MGAT5: variants seen among roughly 807,000 people sequenced by gnomAD.
The protein encoded by MGAT5 is alpha-1,6-mannosylglycoprotein 6-beta-N-acetylglucosaminyltransferase, also known as alpha-1,6-mannosylglycoprotein 6-beta-N-acetylglucosaminyltransferase A.
In MGAT5, 30 loss-of-function variants were observed where a neutral mutation model predicts 94.3. That is an observed-to-expected ratio of 0.32 (90% CI 0.24 to 0.43). The LOEUF is 0.43. Among genes scored for constraint, MGAT5 ranks in the 20% least tolerant of loss-of-function variants. The probability of loss-of-function intolerance (pLI) is 1.00; values close to 1 mark genes in which losing one functional copy is unlikely to be tolerated. For synonymous variants in MGAT5, 310 were observed against 322.9 expected (o/e 0.96, Z 0.43); for missense variants, 691 against 905.5 (o/e 0.76, Z 3.04).
chr2:134,441,961 G>C, intron 15 of MGAT5, 46 bp downstream of exon 15: 1 of 1,596,666 alleles, frequency 6.3e-7, no homozygotes, highest in Non-Finnish European at 8.6e-7. Context: ...CTAGACTCCA[G>C]CTGGCCTTGT....
At chr2:134,382,197 G>T (rs765263947) in intron 10 of MGAT5, among the ~76,000 whole-genome samples, 1 of 151,718 alleles carries the variant, frequency 6.6e-6, no homozygotes, top group South Asian at 2.1e-4. Flanking sequence ...TGAGGCTGTA[G>T]TGAGCTATGA....
chr2:134,233,300 A>G (rs1231912005), intron 1 of MGAT5, among the ~76,000 whole-genome samples: 1 of 152,214 alleles, frequency 6.6e-6, no homozygotes, highest in Non-Finnish European at 1.5e-5. Flanking sequence ...TATGGGTCAT[A>G]ATGAATTCAG....
At chr2:134,443,183 TTTTG>T (rs1195851349) in intron 15 of MGAT5, among the ~76,000 whole-genome samples, 1 of 80,756 alleles carries the variant, frequency 1.2e-5, no homozygotes, top group African/African-American at 4.8e-5. Flanking sequence ...CTATGTTTTT[TTTTG>T]TTGTTGTTGT....
At chr2:134,171,818 C>G (rs1447880597) in intron 1 of MGAT5, among the ~76,000 whole-genome samples, 3 of 152,150 alleles carry the variant, frequency 2.0e-5, no homozygotes, top group Non-Finnish European at 4.4e-5. Flanking sequence ...CAGATACTCA[C>G]CTGGGCTAAG....
chr2:134,341,602 C>T lies in MGAT5; in HGVS notation c.820C>T (p.Leu274=), dbSNP rs1191488238. ...CTTTGTTTTCCAGGTCCTCGTTCAC[C>T]TGGGACTCCTGACCAAGGAATCTGG... is the stretch of plus-strand genomic sequence containing the variant. ...KRKRKKVLVH[L]GLLTKESGFK... Residue 274 remains leucine (L), a synonymous_variant, in exon 7 of 16, where the codon CTG becomes TTG. Transcript: ENST00000281923. The T allele has an allele frequency of 2.5e-6, 4 of 1,612,758 alleles. No individual in the cohort carries two copies. The highest frequency in any genetic ancestry group is 1.7e-4 in the Middle Eastern group (1 of 6,050).
intron 1 of MGAT5, among the ~76,000 whole-genome samples, chr2:134,127,504 C>G (rs116462690): frequency 0.015 from 1,847 of 125,076 alleles, 51 homozygotes; most frequent in African/African-American, 0.046. Context: ...TTCCCCCCCC[C>G]CCAGGCTTGT....
intron 13 of MGAT5, among the ~76,000 whole-genome samples, chr2:134,426,946 T>G (rs1449152743): frequency 6.6e-6 from 1 of 152,152 alleles, no homozygotes; most frequent in Admixed American, 6.5e-5. Flanking sequence ...CTCTTTGAGC[T>G]CTATTCTGAC....
chr2:134,323,439 C>T (rs759747225), intron 4 of MGAT5, among the ~76,000 whole-genome samples: 1 of 152,100 alleles, frequency 6.6e-6, no homozygotes, highest in African/African-American at 2.4e-5. Flanking sequence ...TGAAACCAGT[C>T]CCCAACAGAT....
intron 10 of MGAT5, among the ~76,000 whole-genome samples, chr2:134,402,613 C>T (rs994059030): frequency 6.6e-6 from 1 of 152,266 alleles, no homozygotes; most frequent in East Asian, 1.9e-4. Context: ...ACTTCCTCTC[C>T]TAGAGGTAGG....
intron 2 of MGAT5, among the ~76,000 whole-genome samples, chr2:134,299,943 T>G (rs1685917646): frequency 6.6e-6 from 1 of 152,188 alleles, no homozygotes; most frequent in African/African-American, 2.4e-5. Context: ...TGAATACCTG[T>G]AAGCTCATAT....
chr2:134,321,251 T>G lies in MGAT5; in HGVS notation c.573+2512T>G, dbSNP rs1687298052. Reference sequence around the variant, plus strand: ...TCATTTAGTTTAATTTTCAAAAGTTTTATTCCCCTTTCTACTTGAAAGAAT... The same window carrying G: ...TCATTTAGTTTAATTTTCAAAAGTTGTATTCCCCTTTCTACTTGAAAGAAT... On this transcript the variant is annotated intron_variant, in intron 4 of 15. Transcript: ENST00000281923. Among the ~76,000 whole-genome samples, 5 of 150,988 alleles carry G rather than the reference T, an allele frequency of 3.3e-5. No individual in the cohort carries two copies. In the South Asian group the frequency reaches 1.1e-3, roughly 32 times the overall value.
chr2:134,429,140 G>C (rs949509596), intron 14 of MGAT5, among the ~76,000 whole-genome samples: 1 of 152,176 alleles, frequency 6.6e-6, no homozygotes, highest in Non-Finnish European at 1.5e-5. Context: ...GAAATAAGGT[G>C]CTCTTCCTAA....
chr2:134,384,215 A>G (rs574673562), intron 10 of MGAT5, among the ~76,000 whole-genome samples: 267 of 2,854 alleles, frequency 0.094, 1 homozygote, highest in East Asian at 0.51. Flanking sequence ...CCGGCCCTTG[A>G]AAAAAAAAAA....
At chr2:134,313,472 GA>G (rs1475770839) in intron 2 of MGAT5, among the ~76,000 whole-genome samples, 3 of 151,580 alleles carry the variant, frequency 2.0e-5, no homozygotes, top group Non-Finnish European at 4.4e-5. Context: ...AGTGCCATAG[GA>G]TCATACAGAG....
At chr2:134,418,121 C>G (rs747764426) in intron 12 of MGAT5, among the ~76,000 whole-genome samples, 1 of 152,014 alleles carries the variant, frequency 6.6e-6, no homozygotes, top group Non-Finnish European at 1.5e-5. Flanking sequence ...CTCTTAAACA[C>G]AATCTGAACA....
At chr2:134,196,358 T>G (rs1679493637) in intron 1 of MGAT5, among the ~76,000 whole-genome samples, 1 of 151,682 alleles carries the variant, frequency 6.6e-6, no homozygotes, top group Non-Finnish European at 1.5e-5. Context: ...GTATGGAGGG[T>G]CTGAATGTGT....
chr2:134,305,783 A>C (rs1266612753), intron 2 of MGAT5, among the ~76,000 whole-genome samples: 1 of 152,164 alleles, frequency 6.6e-6, no homozygotes, highest in African/African-American at 2.4e-5. Context: ...TTCTTCTAGT[A>C]AACTGCATGT....
At chr2:134,174,597 A>C (rs1247016922) in intron 1 of MGAT5, among the ~76,000 whole-genome samples, 1 of 152,260 alleles carries the variant, frequency 6.6e-6, no homozygotes, top group Admixed American at 6.5e-5. Context: ...ATTAAAAACT[A>C]ATGACATTTT....
chr2:134,386,271 AGTTAGAAGAAAT>A, intron 10 of MGAT5, among the ~76,000 whole-genome samples: 1 of 152,240 alleles, frequency 6.6e-6, no homozygotes, highest in Admixed American at 6.5e-5. Flanking sequence ...ATGTCAGAGA[AGTTAGAAGAAAT>A]GTCATTTAAA....
Sources: allele counts gnomAD v4.1 joint callset (sites outside exome capture counted in the v4.1 genomes callset), GRCh38; gene constraint gnomAD v4.1.1; transcripts MANE v1.5; gene names NCBI Gene and HGNC (gene_info 2026-07-23, HGNC 2026-07-21).